CFAP95: variants seen among roughly 807,000 people sequenced by gnomAD.
CFAP95 encodes cilia and flagella associated protein 95.
the CFAP95 span, among the ~76,000 whole-genome samples, chr9:69,838,681 G>C: frequency 1.3e-5 from 2 of 151,794 alleles, no homozygotes; most frequent in African/African-American, 4.8e-5. Context: ...TCTGCAAACT[G>C]GGACAATTTG....
At chr9:69,840,595 C>T in the CFAP95 span, among the ~76,000 whole-genome samples, 2 of 152,084 alleles carry the variant, frequency 1.3e-5, no homozygotes, top group Admixed American at 6.6e-5. Flanking sequence ...CTCCTGTTTC[C>T]TTTAGAAAGC....
At chr9:69,844,598 T>C in the CFAP95 span, 2 of 1,613,290 alleles carry the variant, frequency 1.2e-6, no homozygotes, top group Non-Finnish European at 1.7e-6. Context: ...ATTCAACATA[T>C]CGGCGACTGG....
chr9:69,857,672 A>G, the CFAP95 span, among the ~76,000 whole-genome samples: 1 of 152,092 alleles, frequency 6.6e-6, no homozygotes, highest in African/African-American at 2.4e-5. Context: ...CTACAGGCAC[A>G]TGCTGCCACG....
At chr9:69,842,980 G>C in the CFAP95 span, among the ~76,000 whole-genome samples, 1 of 152,172 alleles carries the variant, frequency 6.6e-6, no homozygotes, top group African/African-American at 2.4e-5. Context: ...CTAGTCCAGT[G>C]GGGGTGGGGA....
At chr9:69,824,558 C>CT in the CFAP95 span, among the ~76,000 whole-genome samples, 1,281 of 138,930 alleles carry the variant, frequency 9.2e-3, 9 homozygotes, top group South Asian at 0.011. Flanking sequence ...CTATTTAATG[C>CT]TTTTTTTTTT....
the CFAP95 span, among the ~76,000 whole-genome samples, chr9:69,821,947 T>C: frequency 3.3e-5 from 5 of 152,128 alleles, no homozygotes; most frequent in African/African-American, 7.2e-5. Context: ...TCGTGTAAGT[T>C]CTTGCTTGGC....
chr9:69,836,944 T>C, the CFAP95 span, among the ~76,000 whole-genome samples: 5 of 143,928 alleles, frequency 3.5e-5, no homozygotes, highest in East Asian at 2.1e-4. Context: ...TGTGTTCTCA[T>C]TGTTCAATTC....
the CFAP95 span, among the ~76,000 whole-genome samples, chr9:69,864,565 C>G: frequency 6.6e-6 from 1 of 152,088 alleles, no homozygotes; most frequent in South Asian, 2.1e-4. Context: ...AGAAAGGCAT[C>G]TATAGTTGCA....
At chr9:69,904,739 T>C in the CFAP95 span, among the ~76,000 whole-genome samples, 9 of 152,184 alleles carry the variant, frequency 5.9e-5, no homozygotes, top group East Asian at 1.7e-3. Context: ...GGACCTCTAT[T>C]TGACCTACCC....
the CFAP95 span, among the ~76,000 whole-genome samples, chr9:69,825,526 G>C: frequency 6.6e-6 from 1 of 152,148 alleles, no homozygotes; most frequent in African/African-American, 2.4e-5. Flanking sequence ...GGTCGATAGA[G>C]CCATATCACC....
the CFAP95 span, among the ~76,000 whole-genome samples, chr9:69,825,583 A>G: frequency 6.6e-6 from 1 of 152,184 alleles, no homozygotes. Flanking sequence ...TTTTCTAGGA[A>G]TTATTTTACC....
the CFAP95 span, among the ~76,000 whole-genome samples, chr9:69,862,132 C>T: frequency 6.6e-6 from 1 of 152,196 alleles, no homozygotes; most frequent in African/African-American, 2.4e-5. Flanking sequence ...CCACAATTAT[C>T]TCCTGAGTTA....
the CFAP95 span, among the ~76,000 whole-genome samples, chr9:69,881,187 C>T: frequency 6.6e-6 from 1 of 152,172 alleles, no homozygotes; most frequent in Non-Finnish European, 1.5e-5. Context: ...CATTTGTCTA[C>T]TTTTGCTTTG....
At chr9:69,901,877 C>A in the CFAP95 span, among the ~76,000 whole-genome samples, 465 of 152,262 alleles carry the variant, frequency 3.1e-3, 1 homozygote, top group African/African-American at 0.01. Context: ...TAATGATCGC[C>A]ATTCTAACTG....
At chr9:69,821,569 G>T in the CFAP95 span, among the ~76,000 whole-genome samples, 1 of 152,118 alleles carries the variant, frequency 6.6e-6, no homozygotes, top group African/African-American at 2.4e-5. Context: ...CTATTTAGAG[G>T]ACCAGCCTCC....
chr9:69,877,222 C>T, the CFAP95 span, among the ~76,000 whole-genome samples: 1 of 152,152 alleles, frequency 6.6e-6, no homozygotes, highest in Admixed American at 6.5e-5. Context: ...CCATTTCCAT[C>T]ATACACCAAA....
At chr9:69,905,849 T>C in the CFAP95 span, 1 of 859,476 alleles carries the variant, frequency 1.2e-6, no homozygotes, top group Non-Finnish European at 1.6e-6. Context: ...TTGTTAAAAA[T>C]TAACCTTCAA....
chr9:69,893,831 G>A, the CFAP95 span, among the ~76,000 whole-genome samples: 4 of 152,172 alleles, frequency 2.6e-5, no homozygotes, highest in Admixed American at 6.5e-5. Context: ...CTATATCCAC[G>A]ATTTAATTTT....
chr9:69,856,003 T>A, the CFAP95 span, among the ~76,000 whole-genome samples: 3 of 152,206 alleles, frequency 2.0e-5, no homozygotes, highest in Non-Finnish European at 4.4e-5. Context: ...GGAGAAAATA[T>A]TGAATCCCTT....
Sources: gnomAD v4.1 joint callset for allele counts (sites outside exome capture counted in the v4.1 genomes callset) on GRCh38, gnomAD v4.1.1 for gene constraint, MANE v1.5 for transcripts, NCBI Gene and HGNC (gene_info 2026-07-23, HGNC 2026-07-21) for gene names.